Variants in DYDC2 observed in about 807,000 individuals in gnomAD.
The protein encoded by DYDC2 is DPY30 domain containing 2, also known as DPY30 domain-containing protein 2.
In DYDC2, 19 loss-of-function variants were observed where a neutral mutation model predicts 18.7. That is an observed-to-expected ratio of 1.02 (90% CI 0.71 to 1.49). The LOEUF is 1.49. Ranked by LOEUF, DYDC2 falls within the 40% of genes most tolerant of loss-of-function variation. The pLI is 0.00. For synonymous variants in DYDC2, 63 were observed against 67.6 expected, an observed-to-expected ratio of 0.93 and a Z score of 0.34; for missense variants, 179 against 205.1, an observed-to-expected ratio of 0.87 and a Z score of 0.78.
At chr10:80,356,447 C>T (rs1002099325), upstream of DYDC2, 3 of 985,344 alleles carry the variant, frequency 3.0e-6, no homozygotes, top group Admixed American at 6.1e-5. Flanking sequence ...GGCAACCTCC[C>T]GGGGCGCTCA....
chr10:80,362,563 C>G lies in DYDC2; in HGVS notation c.120C>G (p.Tyr40Ter). 5.6e-6 allele frequency: 9 copies of G among 1,612,164 alleles called. No homozygotes were observed. Among genetic ancestry groups the G allele is most frequent in the African/African-American group, 1.3e-5 (1 of 74,994 alleles). ...ACCTGGCTCACTGGCTTTATCATTA[C>G]AGGAAAACAGCAAAAGCAAAAGAAG... ...IEYLAHWLYHYRKTAKAKEEN... is the reference protein window; with the variant it reads ...IEYLAHWLYH The change falls in exon 3 of 5, where the codon TAC becomes TAG. Residue 40 changes from tyrosine to a stop codon, truncating the protein, a stop_gained. Coordinates refer to ENST00000256039, the MANE Select transcript of DYDC2 (RefSeq NM_032372.6). LOFTEE classifies it high-confidence loss of function.
chr10:80,355,175 T>C (rs765071006), upstream of DYDC2, among the ~76,000 whole-genome samples: 7 of 151,494 alleles, frequency 4.6e-5, no homozygotes, highest in Non-Finnish European at 8.8e-5. Flanking sequence ...GATATAGGAA[T>C]GAGCATGGCA....
intron 2 of DYDC2, among the ~76,000 whole-genome samples, chr10:80,361,097 C>T (rs960891621): frequency 2.0e-5 from 3 of 152,154 alleles, no homozygotes; most frequent in Non-Finnish European, 2.9e-5. Flanking sequence ...TGTCCAGGCC[C>T]AATCTAGGAT....
In DYDC2 at chr10:80,366,682, A is replaced by G. The variant is rs758814372; in HGVS notation, c.271-6A>G. The G allele has an allele frequency of 1.3e-6, 2 of 1,591,238 alleles. No individual in the cohort carries two copies. The highest frequency in any genetic ancestry group is 1.7e-6 in the Non-Finnish European group (2 of 1,170,008). ...TAAGTTTTCGGCTTTTTTGTTTTCT[A>G]TTTAGGAACTGACTTCTGAAACTGT... On this transcript the variant is annotated splice_polypyrimidine_tract_variant and splice_region_variant and intron_variant, in intron 4 of 4. Coordinates refer to ENST00000256039, the MANE Select transcript of DYDC2 (RefSeq NM_032372.6).
upstream of DYDC2, among the ~76,000 whole-genome samples, chr10:80,354,149 T>C (rs1398969587): frequency 6.7e-6 from 1 of 149,364 alleles, no homozygotes; most frequent in Non-Finnish European, 1.5e-5. Context: ...TATATATTTT[T>C]TCCTGAGAAT....
intron 2 of DYDC2, among the ~76,000 whole-genome samples, chr10:80,359,664 A>T (rs1354439023): frequency 6.6e-6 from 1 of 152,126 alleles, no homozygotes; most frequent in Admixed American, 6.5e-5. Context: ...CCCGGCAAGA[A>T]TTCGAGCAAA....
chr10:80,346,444 C>G (rs372058010), intron 1 of DYDC2, among the ~76,000 whole-genome samples: 2 of 83,360 alleles, frequency 2.4e-5, no homozygotes, highest in Admixed American at 3.3e-4. Context: ...TCTTCCCTTT[C>G]TTTTTTTTTT....
chr10:80,356,842 C>A lies in DYDC2; in HGVS notation c.-163+17C>A, dbSNP rs979528964. ...CGCGGATAGGTGAGCAGAGGGCACG[C>A]GGTGGGCAGCGAAGGGGGAACGCGC... On this transcript the variant is annotated intron_variant, in intron 1 of 4. Coordinates refer to ENST00000256039, the MANE Select transcript of DYDC2 (RefSeq NM_032372.6). The A allele has an allele frequency of 2.0e-6, 2 of 984,680 alleles. No individual in the cohort carries two copies. Among genetic ancestry groups the A allele is most frequent in the Non-Finnish European group, 2.4e-6 (2 of 830,160 alleles). 61.0% of individuals were successfully genotyped at this position (984,680 alleles called of 1,614,324 possible).
intron 1 of DYDC2, chr10:80,344,962 C>G (rs1284343742): frequency 6.5e-6 from 1 of 153,544 alleles, no homozygotes; most frequent in Admixed American, 6.5e-5. Context: ...ATACAACCTG[C>G]AGTGAAATCT....
intron 4 of DYDC2, among the ~76,000 whole-genome samples, chr10:80,364,179 AT>A (rs1843755439): frequency 6.6e-6 from 1 of 152,234 alleles, no homozygotes; most frequent in African/African-American, 2.4e-5. Context: ...TATTAAGCTT[AT>A]TTACATTTAT....
At chr10:80,352,027 A>T (rs188513516), upstream of DYDC2, 4 of 1,606,882 alleles carry the variant, frequency 2.5e-6, no homozygotes, top group Admixed American at 3.4e-5. Flanking sequence ...AAACAACAGC[A>T]CACGACTTCT....
chr10:80,355,501 T>C (rs899358171), upstream of DYDC2, among the ~76,000 whole-genome samples: 1 of 152,128 alleles, frequency 6.6e-6, no homozygotes, highest in Non-Finnish European at 1.5e-5. Flanking sequence ...CTCAAAGATA[T>C]AGTTGCAAAA....
At chr10:80,359,091 T>C (rs533569639) in intron 2 of DYDC2, among the ~76,000 whole-genome samples, 37 of 152,300 alleles carry the variant, frequency 2.4e-4, no homozygotes, top group Middle Eastern at 3.4e-3. Flanking sequence ...CCTGCTTTTA[T>C]TCCCTTATCC....
upstream of DYDC2, chr10:80,356,430 T>C: frequency 1.0e-6 from 1 of 985,122 alleles, no homozygotes; most frequent in Non-Finnish European, 1.2e-6. Context: ...GATACAGTAT[T>C]GTATCTGGCA....
At chr10:80,346,483 C>T (rs540328504) in intron 1 of DYDC2, among the ~76,000 whole-genome samples, 25 of 67,976 alleles carry the variant, frequency 3.7e-4, no homozygotes, top group Admixed American at 9.1e-4. Flanking sequence ...TTTTTTGAGA[C>T]GGAGTCTCAC....
chr10:80,356,354 C>T (rs570176006), upstream of DYDC2: 9 of 985,858 alleles, frequency 9.1e-6, no homozygotes, highest in Non-Finnish European at 1.1e-5. Context: ...ATTCCTTACC[C>T]ACACCTGGGA....
At chr10:80,358,410 C>T (rs567749629) in intron 2 of DYDC2, among the ~76,000 whole-genome samples, 6 of 152,166 alleles carry the variant, frequency 3.9e-5, no homozygotes, top group Non-Finnish European at 8.8e-5. Flanking sequence ...CCCCTTGACT[C>T]CTTCCCCTCC....
chr10:80,366,952 G>T lies in DYDC2; in HGVS notation c.*1G>T. On this transcript the variant is annotated 3_prime_UTR_variant, in exon 5 of 5. Transcript: ENST00000256039. ...TCCTGGCTCCAAATCTCCTTTTTAG[G>T]TTACAGAAGGTAGATGCTTCTGATT... 1.9e-6 allele frequency: 3 copies of T among 1,608,920 alleles called. No individual in the cohort carries two copies. Among genetic ancestry groups the T allele is most frequent in the South Asian group, 2.2e-5 (2 of 90,174 alleles).
chr10:80,359,436 C>T (rs953232530), intron 2 of DYDC2, among the ~76,000 whole-genome samples: 10 of 152,334 alleles, frequency 6.6e-5, no homozygotes, highest in African/African-American at 4.8e-5. Context: ...ATGGCTTCAC[C>T]TAGTGGATCC....
Sources: allele counts gnomAD v4.1 joint callset (sites outside exome capture counted in the v4.1 genomes callset), GRCh38; gene constraint gnomAD v4.1.1; transcripts MANE v1.5; gene names NCBI Gene and HGNC (gene_info 2026-07-23, HGNC 2026-07-21).